DPPA2: variants seen among roughly 807,000 people sequenced by gnomAD.
DPPA2 encodes developmental pluripotency associated 2.
In DPPA2, 26 loss-of-function variants were observed where a neutral mutation model predicts 36.2. The ratio of observed to expected loss-of-function variants is 0.72; its 90% CI spans 0.53 to 1.00. The LOEUF is 1.00. Among genes scored for constraint, DPPA2 ranks in the 50% least tolerant of loss-of-function variants. DPPA2 has a pLI of 0.00. For synonymous variants in DPPA2, 113 were observed against 123.2 expected, an observed-to-expected ratio of 0.92 and a Z score of 0.55; for missense variants, 361 against 365.1, an observed-to-expected ratio of 0.99 and a Z score of 0.09.
intron 8 of DPPA2, among the ~76,000 whole-genome samples, chr3:109,294,868 A>T (rs1402732133): frequency 6.6e-6 from 1 of 152,118 alleles, no homozygotes; most frequent in African/African-American, 2.4e-5. Flanking sequence ...CTAAAAATAC[A>T]AAATTAGTCG....
intron 3 of DPPA2, among the ~76,000 whole-genome samples, chr3:109,312,231 G>A (rs1707722796): frequency 6.6e-6 from 1 of 152,184 alleles, no homozygotes; most frequent in Non-Finnish European, 1.5e-5. Context: ...TGACTTGGAA[G>A]GCTGAGGCAG....
intron 1 of DPPA2, 120 bp downstream of exon 1, chr3:109,316,164 T>C: frequency 6.6e-6 from 1 of 152,558 alleles, no homozygotes; most frequent in Non-Finnish European, 1.5e-5. Context: ...ACTCAAGCGA[T>C]CTTCCCACTA....
chr3:109,311,243 A>G (rs982635234), intron 3 of DPPA2, among the ~76,000 whole-genome samples: 1 of 152,156 alleles, frequency 6.6e-6, no homozygotes, highest in Non-Finnish European at 1.5e-5. Context: ...TTTGGACCAC[A>G]AAATATCAGC....
rs773706501 is a variant in DPPA2, at chr3:109,314,511, T to C, written c.32A>G (p.Lys11Arg). The C allele has an allele frequency of 3.7e-6, 6 of 1,610,548 alleles. No individual in the cohort carries two copies. The highest frequency in any genetic ancestry group is 5.1e-6 in the Non-Finnish European group (6 of 1,177,548). MSDANLDSSKKNFLEGEVDDE... is the reference protein window; with the variant it reads MSDANLDSSKRNFLEGEVDDE... ...TAATTCTATTAGAATGAAACTTACC[T>C]TCTTGCTGCTATCCAAATTTGCATC... is the stretch of plus-strand genomic sequence containing the variant. Residue 11 changes from lysine (K) to arginine (R), a missense_variant and splice_region_variant, in exon 2 of 9, where the codon AAG (lysine) becomes AGG (arginine). Coordinates refer to ENST00000478945, the MANE Select transcript of DPPA2 (RefSeq NM_138815.4).
intron 8 of DPPA2, among the ~76,000 whole-genome samples, chr3:109,299,383 G>T (rs1707417274): frequency 6.6e-6 from 1 of 151,894 alleles, no homozygotes; most frequent in Non-Finnish European, 1.5e-5. Context: ...GGTGGCACAT[G>T]CCTGTAATCC....
At chr3:109,294,543 G>A (rs1171673273) in intron 8 of DPPA2, among the ~76,000 whole-genome samples, 1 of 152,178 alleles carries the variant, frequency 6.6e-6, no homozygotes, top group Non-Finnish European at 1.5e-5. Flanking sequence ...TATACTGCAA[G>A]TCACAAGCAC....
At chr3:109,300,253 T>C in intron 8 of DPPA2, 118 bp downstream of exon 8, 1 of 783,142 alleles carries the variant, frequency 1.3e-6, no homozygotes, top group Non-Finnish European at 2.1e-6. Flanking sequence ...GATACATTTA[T>C]GTCCTGTTTT....
chr3:109,314,588 A>T lies in DPPA2; in HGVS notation c.-13-33T>A, dbSNP rs769642994. On this transcript the variant is annotated intron_variant, in intron 1 of 8. Coordinates refer to ENST00000478945, the MANE Select transcript of DPPA2 (RefSeq NM_138815.4). Reference sequence around the variant, plus strand: ...AGGCAAGGACAGCAATGTTAAGGATATGGTAGTTTACTTCTCTTAACCTGC... The same window carrying T: ...AGGCAAGGACAGCAATGTTAAGGATTTGGTAGTTTACTTCTCTTAACCTGC... 9 of 1,586,474 alleles carry T rather than the reference A, an allele frequency of 5.7e-6. No homozygotes were observed. The Admixed American group carries it at 1.5e-4, about 27-fold the overall frequency.
intron 7 of DPPA2, among the ~76,000 whole-genome samples, chr3:109,302,867 C>T (rs1348394922): frequency 6.6e-6 from 1 of 151,572 alleles, no homozygotes; most frequent in Non-Finnish European, 1.5e-5. Context: ...ATCGGGAATT[C>T]TATAGTCTAA....
At chr3:109,298,304 C>T (rs1056934420) in intron 8 of DPPA2, among the ~76,000 whole-genome samples, 12 of 152,082 alleles carry the variant, frequency 7.9e-5, no homozygotes, top group African/African-American at 1.9e-4. Flanking sequence ...GGTATCTGCT[C>T]GGTGTAGAGG....
chr3:109,299,770 G>A (rs1186891559), intron 8 of DPPA2, among the ~76,000 whole-genome samples: 3 of 82,980 alleles, frequency 3.6e-5, no homozygotes, highest in African/African-American at 1.3e-4. Context: ...TTTTTTTTTA[G>A]AGACTATGTT....
intron 3 of DPPA2, 104 bp from the exon 4 acceptor site, chr3:109,309,434 T>A: frequency 7.6e-7 from 1 of 1,316,400 alleles, no homozygotes; most frequent in Non-Finnish European, 1.0e-6. Context: ...ACGCCTGTAA[T>A]CCCAGCACTT....
At chr3:109,300,813 C>T (rs1210650815) in intron 7 of DPPA2, among the ~76,000 whole-genome samples, 1 of 93,818 alleles carries the variant, frequency 1.1e-5, no homozygotes. Context: ...CAGAGCGAGA[C>T]TCAGTCTCAA....
intron 3 of DPPA2, among the ~76,000 whole-genome samples, chr3:109,310,099 A>G (rs1707671017): frequency 6.6e-6 from 1 of 151,280 alleles, no homozygotes; most frequent in Non-Finnish European, 1.5e-5. Context: ...GTGGTGGCAC[A>G]TGCCTGTAAT....
chr3:109,295,884 A>C lies in DPPA2; in HGVS notation c.*23-1880T>G, dbSNP rs76200816. Among the ~76,000 whole-genome samples the C allele has an allele frequency of 2.7e-4, 41 of 152,272 alleles. 1 individual carries two copies. In the East Asian group the frequency reaches 7.9e-3, roughly 29 times the overall value. On this transcript the variant is annotated intron_variant, in intron 8 of 8. Coordinates refer to ENST00000478945, the MANE Select transcript of DPPA2 (RefSeq NM_138815.4). ...CAAGAATCAAAATAAAATGATAGAA[A>C]TTAGAAGAAAATACTAACAGAAATG... is the stretch of plus-strand genomic sequence containing the variant.
intron 3 of DPPA2, among the ~76,000 whole-genome samples, chr3:109,310,720 G>A (rs554395765): frequency 3.9e-5 from 6 of 152,040 alleles, no homozygotes; most frequent in East Asian, 3.9e-4. Context: ...TGGCCAGGCT[G>A]GTCTCGAACG....
chr3:109,313,877 C>T (rs1206644803), intron 2 of DPPA2, among the ~76,000 whole-genome samples: 3 of 152,098 alleles, frequency 2.0e-5, no homozygotes, highest in African/African-American at 7.2e-5. Context: ...TGTGACTTCC[C>T]CATAATCATA....
chr3:109,304,886 C>T (rs1373313360), intron 6 of DPPA2, among the ~76,000 whole-genome samples: 3 of 152,180 alleles, frequency 2.0e-5, no homozygotes, highest in South Asian at 2.1e-4. Context: ...GTGGCTCACG[C>T]CTGTAATCCC....
At position 109,311,666 on chromosome 3, in the gene DPPA2, G is replaced by T. The variant is rs569857092; in HGVS notation, c.181+879C>A. ...GAGGCAGGAGAATCGCTTGAACCCA[G>T]GAGGCGGAGGTTGCAGTGAGCCAAG... is the stretch of plus-strand genomic sequence containing the variant. On this transcript the variant is annotated intron_variant, in intron 3 of 8. Transcript: ENST00000478945. 2.0e-5 allele frequency among the ~76,000 whole-genome samples: 3 copies of T among 151,962 alleles called. No homozygotes were observed. In the East Asian group the frequency reaches 5.8e-4, roughly 29 times the overall value.
Sources: gnomAD v4.1 joint callset for allele counts (sites outside exome capture counted in the v4.1 genomes callset) on GRCh38, gnomAD v4.1.1 for gene constraint, MANE v1.5 for transcripts, NCBI Gene and HGNC (gene_info 2026-07-23, HGNC 2026-07-21) for gene names.